SLC24A1: variants seen among roughly 807,000 people sequenced by gnomAD.
The protein encoded by SLC24A1 is solute carrier family 24 member 1.
SLC24A1 carries 52 observed loss-of-function variants against 88.1 expected under a neutral mutation model. That is an observed-to-expected ratio of 0.59 (90% CI 0.47 to 0.74). The LOEUF is 0.74. Ranked by LOEUF, SLC24A1 falls within the 30% of genes least tolerant of loss-of-function variation. The pLI, the probability that SLC24A1 is intolerant of heterozygous loss-of-function variation, is 0.00. For missense variants in SLC24A1, 1,173 were observed against 1,363.3 expected (o/e 0.86, Z 2.20); for synonymous variants, 455 against 498.0 (o/e 0.91, Z 1.15).
rs1238512391 is a variant in SLC24A1, at chr15:65,625,253, C to T, written c.1173C>T (p.Val391=). 6.2e-7 allele frequency: 1 copy of T among 1,613,992 alleles called. No homozygotes were observed. Residue 391 remains valine (V), a synonymous_variant, in exon 2 of 10, where the codon GTC becomes GTT. Transcript: ENST00000261892. ...PTVRAKLTMQ[V]HHCVVVKPTP... is the part of the protein sequence containing the mutation. ...TCAGGGCAAAGCTGACCATGCAGGT[C>T]CATCACTGTGTGGTTGTGAAGCCAA...
In SLC24A1 at chr15:65,624,264, C is replaced by T; in HGVS notation, c.184C>T (p.Leu62=). ...AGTCTCTTCTCATCAGCCTATAAAACTGGCCAGTCGGGACCTCTCCAGTGA... is the reference window on the plus strand; with the variant it reads ...AGTCTCTTCTCATCAGCCTATAAAATTGGCCAGTCGGGACCTCTCCAGTGA... ...AAVSSHQPIK[L]ASRDLSSEEM... Residue 62 remains leucine (L), a synonymous_variant, in exon 2 of 10, where the codon CTG becomes TTG. Coordinates refer to ENST00000261892, the MANE Select transcript of SLC24A1 (RefSeq NM_004727.3). The T allele has an allele frequency of 1.2e-6, 2 of 1,613,884 alleles. No homozygotes were observed. Among genetic ancestry groups the T allele is most frequent in the Non-Finnish European group, 1.7e-6 (2 of 1,179,842 alleles).
chr15:65,618,918 T>G (rs1485367470), upstream of SLC24A1: 5 of 152,194 alleles, frequency 3.3e-5, no homozygotes. Context: ...ACTGTAAGGA[T>G]GAAATCCTGT....
chr15:65,643,000 T>C, intron 4 of SLC24A1: 1 of 1,289,286 alleles, frequency 7.8e-7, no homozygotes, highest in African/African-American at 1.5e-5. Context: ...TGTGGGGTGC[T>C]TCCCAGGTAG....
chr15:65,647,475 C>CAA (rs199501932), intron 6 of SLC24A1, among the ~76,000 whole-genome samples: 172 of 80,684 alleles, frequency 2.1e-3, no homozygotes, highest in Middle Eastern at 0.012. Flanking sequence ...GAGACTGTCT[C>CAA]AAAAAAAAAA....
rs989658603 is a variant in SLC24A1 at position 65,640,168 on chromosome 15, C to A, written c.2053+465C>A. On this transcript the variant is annotated intron_variant, in intron 4 of 9. Transcript: ENST00000261892. ...GACGCCTCTTGTAGGGTCCCAAAGC[C>A]CAGAAGTTCTTAGTGGCACTTCCTT... Among the ~76,000 whole-genome samples the A allele has an allele frequency of 2.0e-5, 3 of 152,204 alleles. No homozygotes were observed. In the South Asian group the frequency reaches 6.2e-4, roughly 32 times the overall value.
chr15:65,620,624 C>G (rs1327073775), upstream of SLC24A1, among the ~76,000 whole-genome samples: 1 of 152,140 alleles, frequency 6.6e-6, no homozygotes, highest in Non-Finnish European at 1.5e-5. Flanking sequence ...GGGTTTACCC[C>G]CAGCGGGTAG....
At chr15:65,656,404 G>C (rs1005440909), downstream of SLC24A1, 73 of 246,276 alleles carry the variant, frequency 3.0e-4, no homozygotes, top group African/African-American at 1.6e-3. Flanking sequence ...CACTGGGGGA[G>C]AGAGTGAGAT....
intron 1 of SLC24A1, chr15:65,612,287 CA>C (rs1390331322): frequency 6.6e-6 from 1 of 152,280 alleles, no homozygotes; most frequent in East Asian, 1.9e-4. Flanking sequence ...ACATAGGTTA[CA>C]AAGTGAGTAC....
In SLC24A1 at chr15:65,656,155, C is replaced by T. The variant is rs769719448; in HGVS notation, c.*2076C>T. ...ACCTCACCCACAGCCTGGGATCTGA[C>T]GTTCTTCCTCAGACTGGAGTAAGGA... On this transcript the variant is annotated 3_prime_UTR_variant, in exon 10 of 10. Transcript: ENST00000261892. 2.5e-4 allele frequency: 248 copies of T among 985,252 alleles called. No homozygotes were observed. Among genetic ancestry groups the T allele is most frequent in the Non-Finnish European group, 2.8e-4 (231 of 829,916 alleles). 61.0% of individuals were successfully genotyped at this position (985,252 alleles called of 1,614,324 possible). A position where few individuals can be genotyped will look rare whatever the true frequency, so the allele number is the denominator to read the frequency against.
In SLC24A1 at chr15:65,625,943, G is replaced by C; in HGVS notation, c.1863G>C (p.Lys621Asn). 1 of 1,613,908 alleles carries C rather than the reference G, an allele frequency of 6.2e-7. No homozygotes were observed. The highest frequency in any genetic ancestry group is 8.5e-7 in the Non-Finnish European group (1 of 1,179,818). ...KEQLSRRPVA[K>N]VMALEDLSKP... ...AGCTCAGCAGGAGGCCAGTGGCCAAGGTCATGGCCTTAGAAGACCTCAGCA... is the reference window on the plus strand; with the variant it reads ...AGCTCAGCAGGAGGCCAGTGGCCAACGTCATGGCCTTAGAAGACCTCAGCA... The change falls in exon 2 of 10, where the codon AAG becomes AAC. Residue 621 changes from lysine to asparagine, a missense_variant. Transcript: ENST00000261892.
At chr15:65,634,221 T>A (rs902162770) in intron 2 of SLC24A1, among the ~76,000 whole-genome samples, 5 of 151,884 alleles carry the variant, frequency 3.3e-5, no homozygotes, top group African/African-American at 9.7e-5. Flanking sequence ...AAAAAAAAAA[T>A]TTAAGACTAA....
intron 2 of SLC24A1, among the ~76,000 whole-genome samples, chr15:65,633,389 G>T (rs2074798591): frequency 1.3e-5 from 2 of 152,234 alleles, no homozygotes; most frequent in African/African-American, 4.8e-5. Context: ...GCAGGGCACA[G>T]TGCCTCATGC....
chr15:65,619,232 G>C (rs1217293727), upstream of SLC24A1, among the ~76,000 whole-genome samples: 9 of 152,158 alleles, frequency 5.9e-5, no homozygotes, highest in Admixed American at 5.9e-4. Context: ...GTCTTTCCTG[G>C]TTTCATAAAT....
intron 2 of SLC24A1, among the ~76,000 whole-genome samples, chr15:65,628,378 C>T (rs2074589964): frequency 1.3e-5 from 2 of 152,096 alleles, no homozygotes; most frequent in Non-Finnish European, 2.9e-5. Flanking sequence ...AATTTTTGTG[C>T]CTCCTAAAGG....
At chr15:65,644,375 C>G (rs1566960603) in intron 4 of SLC24A1, 52 bp from the exon 5 acceptor site, 1 of 1,269,728 alleles carries the variant, frequency 7.9e-7, no homozygotes, top group Admixed American at 2.0e-5. Context: ...AAGGGCGTGG[C>G]AGGGATGATC....
In SLC24A1 at chr15:65,650,420, A is replaced by G; in HGVS notation, c.2271A>G (p.Pro757=). 1.3e-6 allele frequency: 2 copies of G among 1,551,748 alleles called. No individual in the cohort carries two copies. Among genetic ancestry groups the G allele is most frequent in the Non-Finnish European group, 1.7e-6 (2 of 1,146,976 alleles). ...VAEAESTGEM[P]GEEGETAGEG... is the part of the protein sequence containing the mutation. ...AGGCCGAGAGCACAGGTGAAATGCC[A>G]GGCGAAGAGGGCGAAACTGCTGGTG... The change falls in exon 7 of 10, where the codon CCA becomes CCG. Residue 757 remains proline, a synonymous_variant. Transcript: ENST00000261892. This position sits in a 1 kb window ranked among gnomAD's most constrained non-coding sequence, Gnocchi z 4.1.
intron 2 of SLC24A1, among the ~76,000 whole-genome samples, chr15:65,634,434 T>C (rs1313021061): frequency 1.3e-5 from 2 of 152,158 alleles, no homozygotes; most frequent in African/African-American, 4.8e-5. Context: ...TACCTCAGCC[T>C]CTTGCTAACT....
At chr15:65,615,680 C>T (rs1047823308) in intron 2 of SLC24A1, among the ~76,000 whole-genome samples, 1 of 151,270 alleles carries the variant, frequency 6.6e-6, no homozygotes, top group Non-Finnish European at 1.5e-5. Context: ...GACCCTGTCT[C>T]AAAAAAAATA....
chr15:65,622,420 C>T (rs870022), intron 1 of SLC24A1, among the ~76,000 whole-genome samples: 31,018 of 152,098 alleles, frequency 0.2, 4,217 homozygotes, highest in East Asian at 0.74. Context: ...GGAGGCTCAT[C>T]TGCTTGGCTA....
Sources: allele counts gnomAD v4.1 joint callset (sites outside exome capture counted in the v4.1 genomes callset), GRCh38; gene constraint gnomAD v4.1.1; non-coding constraint Gnocchi (gnomAD v3.1); transcripts MANE v1.5; gene names NCBI Gene and HGNC (gene_info 2026-07-23, HGNC 2026-07-21).